Variants in STBD1 observed in about 807,000 individuals in gnomAD.
The protein encoded by STBD1 is starch-binding domain-containing protein 1.
A neutral mutation model predicts 10.5 loss-of-function variants in STBD1; 13 were observed. The ratio of observed to expected loss-of-function variants is 1.24; its 90% CI spans 0.81 to 1.97. The LOEUF (loss-of-function observed/expected upper bound fraction) is 1.97, where lower values mean the gene tolerates loss of function less well. STBD1 is among the 30% of genes most tolerant of loss of function. STBD1 has a pLI of 0.00. For missense variants in STBD1, 427 were observed against 435.6 expected (o/e 0.98, Z 0.17); for synonymous variants, 146 against 160.2 (o/e 0.91, Z 0.67).
In STBD1 at chr4:76,306,899, C is replaced by T; in HGVS notation, c.130C>T (p.Leu44Phe). 6.2e-7 allele frequency: 1 copy of T among 1,612,536 alleles called. No homozygotes were observed. Among genetic ancestry groups the T allele is most frequent in the Non-Finnish European group, 8.5e-7 (1 of 1,179,482 alleles). The part of the protein sequence containing the change: ...GDAEQEKDAP[L>F]GGAAIPGGHQ... ...TGCGGAGCAGGAGAAAGACGCCCCT[C>T]TTGGGGGAGCTGCGATTCCGGGAGG... The change falls in exon 1 of 2, where the codon CTT becomes TTT. Residue 44 changes from leucine to phenylalanine, a missense_variant. Leu to Phe is a conservative substitution (Grantham distance 22, BLOSUM62 0). Transcript: ENST00000237642.
rs931725163 is a variant in STBD1, at chr4:76,306,816, G to A, written c.47G>A (p.Gly16Glu). The change falls in exon 1 of 2, where the codon GGA becomes GAA. Residue 16 changes from glycine (G) to glutamate (E), a missense_variant. Gly to Glu is a moderately conservative substitution (Grantham distance 98). Transcript: ENST00000237642. ...CTGCTGGTTGGAGGGGGTCTGGCCG[G>A]AGCACTTTTCGTTTGGCTGCTGCGG... ...SALLVGGGLA[G>E]ALFVWLLRGG... 8.7e-6 allele frequency: 14 copies of A among 1,612,718 alleles called. No homozygotes were observed. Among genetic ancestry groups the A allele is most frequent in the Non-Finnish European group, 1.2e-5 (14 of 1,179,666 alleles).
rs1286915397 is a variant in STBD1 at position 76,309,966 on chromosome 4, A to T, written c.1043A>T (p.Asp348Val). ...SNRFLETGHEDKVVHAWWGIH is the reference protein window; with the variant it reads ...SNRFLETGHEVKVVHAWWGIH ...AGATTCCTAGAAACTGGCCATGAGG[A>T]TAAAGTGGTTCACGCATGGTGGGGG... Residue 348 changes from aspartate (D) to valine (V), a missense_variant, in exon 2 of 2, where the codon GAT (aspartate) becomes GTT (valine). Transcript: ENST00000237642. 1 of 1,613,356 alleles carries T rather than the reference A, an allele frequency of 6.2e-7. No homozygotes were observed.
At chr4:76,307,181 T>C (rs1449604679) in intron 1 of STBD1, among the ~76,000 whole-genome samples, 192 bp downstream of exon 1, 2 of 152,120 alleles carry the variant, frequency 1.3e-5, no homozygotes, top group Non-Finnish European at 2.9e-5. Flanking sequence ...GGCAGGTTTC[T>C]TGTCTGGTCC....
rs1560766086 is a variant in STBD1 at position 76,309,674 on chromosome 4, A to G, written c.751A>G (p.Met251Val). 6 of 1,614,130 alleles carry G rather than the reference A, an allele frequency of 3.7e-6. No homozygotes were observed. Among genetic ancestry groups the G allele is most frequent in the Non-Finnish European group, 5.1e-6 (6 of 1,180,052 alleles). The change falls in exon 2 of 2, where the codon ATG (methionine) becomes GTG (valine). Residue 251 changes from methionine (M) to valine (V), a missense_variant. Met to Val is a conservative substitution (Grantham distance 21). Coordinates refer to ENST00000237642, the MANE Select transcript of STBD1 (RefSeq NM_003943.5). ...AAGAGGTCAGCAAGTGCATGGGAAAATGGAAAGGGTAGCAGTGATGCCTGC... is the reference window on the plus strand; with the variant it reads ...AAGAGGTCAGCAAGTGCATGGGAAAGTGGAAAGGGTAGCAGTGATGCCTGC... ...EARGQQVHGK[M>V]ERVAVMPAGS...
chr4:76,307,094 T>TGGGC, intron 1 of STBD1, 105 bp downstream of exon 1: 1 of 1,171,376 alleles, frequency 8.5e-7, no homozygotes, highest in African/African-American at 1.5e-5. Flanking sequence ...TAGGGGCCCA[T>TGGGC]TCCTGCGGAC....
chr4:76,307,909 T>C (rs1718825289), intron 1 of STBD1, among the ~76,000 whole-genome samples: 1 of 152,182 alleles, frequency 6.6e-6, no homozygotes, highest in Admixed American at 6.5e-5. Context: ...GCCTTTACTG[T>C]GATTGGTCTG....
At chr4:76,307,041 A>T (rs763412895) in intron 1 of STBD1, 52 bp downstream of exon 1, 1 of 1,528,066 alleles carries the variant, frequency 6.5e-7, no homozygotes, top group South Asian at 1.2e-5. Context: ...TTTGAGGTTC[A>T]TCGAGGAAGG....
chr4:76,307,476 G>A (rs981425178), intron 1 of STBD1, among the ~76,000 whole-genome samples: 5 of 152,198 alleles, frequency 3.3e-5, no homozygotes, highest in Admixed American at 3.3e-4. Flanking sequence ...GGGAACACCC[G>A]AACTGCGGGC....
chr4:76,309,507 A>G lies in STBD1; in HGVS notation c.584A>G (p.Gln195Arg). ...ATGAGCCTCTCTGATTTGAACAGTC[A>G]GGACCGGGTTGACCACGAGGAGTGG... The part of the protein sequence containing the change: ...EEMSLSDLNS[Q>R]DRVDHEEWEM... Residue 195 changes from glutamine (Q) to arginine (R), a missense_variant, in exon 2 of 2, where the codon CAG becomes CGG. Physicochemically the swap from Gln to Arg is conservative, Grantham distance 43. Transcript: ENST00000237642. The G allele has an allele frequency of 6.2e-7, 1 of 1,614,248 alleles. No individual in the cohort carries two copies. Among genetic ancestry groups the G allele is most frequent in the East Asian group, 2.2e-5 (1 of 44,888 alleles).
rs773615234 is a variant in STBD1, at chr4:76,309,554, T to A, written c.631T>A (p.Ser211Thr). 2 of 1,614,202 alleles carry A rather than the reference T, an allele frequency of 1.2e-6. No homozygotes were observed. The highest frequency in any genetic ancestry group is 1.6e-4 in the Middle Eastern group (1 of 6,062). Residue 211 changes from serine to threonine, a missense_variant, in exon 2 of 2, where the codon TCT becomes ACT. Physicochemically the swap from Ser to Thr is moderately conservative, Grantham distance 58 (BLOSUM62 1). Transcript: ENST00000237642. ...GTGGGAAATGGTGCCTAGGCACTCA[T>A]CTTGGGGGGATGTTGGTGTGGGTGG... is the stretch of plus-strand genomic sequence containing the variant. ...EEWEMVPRHS[S>T]WGDVGVGGSL...
Position 76,310,507 on chromosome 4 carries a change from A to T in STBD1, c.*507A>T, listed in dbSNP as rs1442986503. 2 of 156,124 alleles carry T rather than the reference A, an allele frequency of 1.3e-5. No homozygotes were observed. The highest frequency in any genetic ancestry group is 6.3e-5 in the Admixed American group (1 of 15,980). The allele number at this position is 156,124 out of a possible 1,614,324, so 9.7% of individuals were successfully genotyped here. ...TTTACTACATACACATTTTATGCTTAAAAAGTTAACATGATACGAAACTGT... is the reference window on the plus strand; with the variant it reads ...TTTACTACATACACATTTTATGCTTTAAAAGTTAACATGATACGAAACTGT... On this transcript the variant is annotated 3_prime_UTR_variant, in exon 2 of 2. Transcript: ENST00000237642.
At chr4:76,307,602 G>C (rs1051379479) in intron 1 of STBD1, among the ~76,000 whole-genome samples, 1 of 152,162 alleles carries the variant, frequency 6.6e-6, no homozygotes. Flanking sequence ...CAGCACTGTC[G>C]GCAGTCCCCT....
chr4:76,307,505 G>A (rs913588947), intron 1 of STBD1, among the ~76,000 whole-genome samples: 4 of 152,246 alleles, frequency 2.6e-5, no homozygotes, highest in Admixed American at 2.0e-4. Context: ...CTATCTGGAT[G>A]CTTCTTTAGG....
Position 76,309,256 on chromosome 4 carries a change from A to C in STBD1, c.333A>C (p.Ser111=). Reference sequence around the variant, plus strand: ...CTTCCAGGGAAGTCTGTGACAATTCAAGAGAACATGTTCCTTCTGGACAGT... The same window carrying C: ...CTTCCAGGGAAGTCTGTGACAATTCCAGAGAACATGTTCCTTCTGGACAGT... The part of the protein sequence containing the change: ...QNPSREVCDN[S]REHVPSGQFP... The change falls in exon 2 of 2, where the codon TCA becomes TCC. Residue 111 remains serine, a synonymous_variant. Coordinates refer to ENST00000237642, the MANE Select transcript of STBD1 (RefSeq NM_003943.5). 3.7e-6 allele frequency: 6 copies of C among 1,614,196 alleles called. No individual in the cohort carries two copies. The highest frequency in any genetic ancestry group is 3.4e-6 in the Non-Finnish European group (4 of 1,180,040).
In STBD1 at chr4:76,306,945, G is replaced by T; in HGVS notation, c.176G>T (p.Gly59Val). 6.2e-7 allele frequency: 1 copy of T among 1,610,130 alleles called. No homozygotes were observed. The highest frequency in any genetic ancestry group is 8.5e-7 in the Non-Finnish European group (1 of 1,178,974). The change falls in exon 1 of 2, where the codon GGA (glycine) becomes GTA (valine). Residue 59 changes from glycine to valine, a missense_variant. Transcript: ENST00000237642. Reference protein sequence around the residue: ...IPGGHQSGSSGLSPGPSGQEL... With the variant: ...IPGGHQSGSSVLSPGPSGQEL... ...GGAGGCCATCAGAGTGGCAGCAGCG[G>T]ACTGAGCCCTGGACCTTCCGGGCAG...
At position 76,306,821 on chromosome 4, in the gene STBD1, C is replaced by G. The variant is rs200284020; in HGVS notation, c.52C>G (p.Leu18Val). Reference sequence around the variant, plus strand: ...GGTTGGAGGGGGTCTGGCCGGAGCACTTTTCGTTTGGCTGCTGCGGGGCGG... The same window carrying G: ...GGTTGGAGGGGGTCTGGCCGGAGCAGTTTTCGTTTGGCTGCTGCGGGGCGG... ...LLVGGGLAGA[L>V]FVWLLRGGPG... Residue 18 changes from leucine (L) to valine (V), a missense_variant, in exon 1 of 2, where the codon CTT becomes GTT. Coordinates refer to ENST00000237642, the MANE Select transcript of STBD1 (RefSeq NM_003943.5). 25 of 1,612,548 alleles carry G rather than the reference C, an allele frequency of 1.6e-5. No homozygotes were observed. The highest frequency in any genetic ancestry group is 2.1e-5 in the Non-Finnish European group (25 of 1,179,574).
At position 76,309,837 on chromosome 4, in the gene STBD1, G is replaced by C; in HGVS notation, c.914G>C (p.Gly305Ala). 1 of 1,614,204 alleles carries C rather than the reference G, an allele frequency of 6.2e-7. No individual in the cohort carries two copies. The highest frequency in any genetic ancestry group is 8.5e-7 in the Non-Finnish European group (1 of 1,180,028). The change falls in exon 2 of 2, where the codon GGG becomes GCG. Residue 305 changes from glycine (G) to alanine (A), a missense_variant. By Grantham distance (60) the Gly-to-Ala change is moderately conservative. Transcript: ENST00000237642. Reference protein sequence around the residue: ...TYIPLHYNKDGFWSHSIFLPA... With the variant: ...TYIPLHYNKDAFWSHSIFLPA... ...ATCCCACTCCACTATAACAAGGATG[G>C]GTTCTGGTCTCATTCCATTTTCCTG...
chr4:76,310,055 T>G lies in STBD1; in HGVS notation c.*55T>G. On this transcript the variant is annotated 3_prime_UTR_variant, in exon 2 of 2. Coordinates refer to ENST00000237642, the MANE Select transcript of STBD1 (RefSeq NM_003943.5). ...AGAACAATGTGGAAGAGGCTGAGGT[T>G]GTGGAACACACTGAATAAAATAAAG... The G allele has an allele frequency of 6.5e-7, 1 of 1,549,834 alleles. No individual in the cohort carries two copies. Among genetic ancestry groups the G allele is most frequent in the African/African-American group, 1.4e-5 (1 of 73,800 alleles).
rs1718787584 is a variant in STBD1, at chr4:76,306,948, T to G, written c.179T>G (p.Leu60Arg). Residue 60 changes from leucine to arginine, a missense_variant, in exon 1 of 2, where the codon CTG becomes CGG. By Grantham distance (102) the Leu-to-Arg change is moderately radical. Transcript: ENST00000237642. ...GGCCATCAGAGTGGCAGCAGCGGAC[T>G]GAGCCCTGGACCTTCCGGGCAGGAG... is the stretch of plus-strand genomic sequence containing the variant. The part of the protein sequence containing the change: ...PGGHQSGSSG[L>R]SPGPSGQELV... 1 of 1,609,344 alleles carries G rather than the reference T, an allele frequency of 6.2e-7. No individual in the cohort carries two copies. The highest frequency in any genetic ancestry group is 1.1e-5 in the South Asian group (1 of 90,190).
Sources: allele counts gnomAD v4.1 joint callset (sites outside exome capture counted in the v4.1 genomes callset), GRCh38; gene constraint gnomAD v4.1.1; transcripts MANE v1.5; gene names NCBI Gene and HGNC (gene_info 2026-07-23, HGNC 2026-07-21).